METTL9: variants seen among roughly 807,000 people sequenced by gnomAD.
METTL9 encodes methyltransferase 9, His-X-His N1(pi)-histidine.
Under a neutral mutation model 36.0 loss-of-function variants are expected in METTL9, and 10 were observed. That is an observed-to-expected ratio of 0.28 (90% CI 0.17 to 0.47). The LOEUF is 0.47. Ranked by LOEUF, METTL9 falls within the 20% of genes least tolerant of loss-of-function variation. METTL9 has a pLI of 0.99. For synonymous variants in METTL9, 175 were observed against 149.7 expected (o/e 1.17, Z -1.23); for missense variants, 246 against 383.5 (o/e 0.64, Z 3.00).
chr16:21,655,052 G>T, intron 4 of METTL9, 175 bp from the exon 5 acceptor site: 1 of 623,290 alleles, frequency 1.6e-6, no homozygotes. Flanking sequence ...TTCTGAGTCT[G>T]TTCTTTATCT....
At chr16:21,643,254 A>C (rs2141612594) in intron 4 of METTL9, 2 of 821,068 alleles carry the variant, frequency 2.4e-6, no homozygotes, top group Admixed American at 2.0e-5. Flanking sequence ...CACCGGTCCC[A>C]AAAACTACCC....
At chr16:21,607,456 C>T (rs1965318355) in intron 1 of METTL9, among the ~76,000 whole-genome samples, 1 of 152,176 alleles carries the variant, frequency 6.6e-6, no homozygotes, top group Non-Finnish European at 1.5e-5. Flanking sequence ...AAACGCGTGG[C>T]AGCCACCTGA....
At chr16:21,600,436 C>T (rs184818975) in intron 1 of METTL9, among the ~76,000 whole-genome samples, 2 of 152,218 alleles carry the variant, frequency 1.3e-5, no homozygotes, top group Admixed American at 6.5e-5. Flanking sequence ...GGTGACATTT[C>T]TCCCTAAGCA....
At chr16:21,603,615 C>T (rs183386617) in intron 1 of METTL9, among the ~76,000 whole-genome samples, 1 of 152,076 alleles carries the variant, frequency 6.6e-6, no homozygotes, top group African/African-American at 2.4e-5. Flanking sequence ...TGCATTGCAC[C>T]TAGTGCTTAA....
At chr16:21,644,708 CCAGA>C (rs1262445350) in intron 4 of METTL9, among the ~76,000 whole-genome samples, 1 of 152,186 alleles carries the variant, frequency 6.6e-6, no homozygotes, top group Non-Finnish European at 1.5e-5. Context: ...ATAAACATTT[CCAGA>C]CAGTTTGTTC....
chr16:21,631,755 C>T (rs541171060), intron 4 of METTL9, among the ~76,000 whole-genome samples: 6 of 152,140 alleles, frequency 3.9e-5, no homozygotes, highest in Admixed American at 6.5e-5. Context: ...AGTGCTTTCG[C>T]GCTACGCCCT....
Position 21,599,646 on chromosome 16 carries a change from G to A in METTL9, c.-88G>A. On this transcript the variant is annotated 5_prime_UTR_variant, in exon 1 of 5. Transcript: ENST00000358154. This position sits in a 1 kb window ranked among gnomAD's most constrained non-coding sequence, Gnocchi z 4.4. Reference sequence around the variant, plus strand: ...GGCGGCCGCGATGGCTCGAGCTCGGGCGGTGGCGGCGGTGGCCGGAGGCGG... The same window carrying A: ...GGCGGCCGCGATGGCTCGAGCTCGGACGGTGGCGGCGGTGGCCGGAGGCGG... 1.5e-6 allele frequency: 2 copies of A among 1,344,686 alleles called. No individual in the cohort carries two copies. Among genetic ancestry groups the A allele is most frequent in the Non-Finnish European group, 1.9e-6 (2 of 1,057,428 alleles). 83.3% of individuals were successfully genotyped at this position (1,344,686 alleles called of 1,614,324 possible).
intron 1 of METTL9, among the ~76,000 whole-genome samples, chr16:21,609,942 C>T (rs1965387722): frequency 6.6e-6 from 1 of 152,052 alleles, no homozygotes; most frequent in Non-Finnish European, 1.5e-5. Context: ...CTGCCACCTG[C>T]ATATTTAGGG....
At chr16:21,647,317 G>T in intron 4 of METTL9, 1 of 1,614,148 alleles carries the variant, frequency 6.2e-7, no homozygotes, top group African/African-American at 1.3e-5. Context: ...TTTTGCACCC[G>T]TCCAAGCACA....
At chr16:21,638,930 T>A (rs1389018881) in intron 4 of METTL9, among the ~76,000 whole-genome samples, 1 of 152,208 alleles carries the variant, frequency 6.6e-6, no homozygotes, top group Admixed American at 6.5e-5. Flanking sequence ...TGACTGTACA[T>A]CCCAAACTAA....
At chr16:21,632,083 C>T (rs1965977444) in intron 4 of METTL9, among the ~76,000 whole-genome samples, 1 of 152,176 alleles carries the variant, frequency 6.6e-6, no homozygotes, top group Non-Finnish European at 1.5e-5. Flanking sequence ...CTCCCCTCTC[C>T]TTCCCCTTTT....
chr16:21,655,169 C>G (rs1966673895), intron 4 of METTL9, 58 bp from the exon 5 acceptor site: 1 of 1,508,022 alleles, frequency 6.6e-7, no homozygotes, highest in Non-Finnish European at 9.1e-7. Flanking sequence ...CTCCCTGCTT[C>G]CCTCTTTAAA....
At chr16:21,627,867 G>A (rs1319985317) in intron 4 of METTL9, among the ~76,000 whole-genome samples, 5 of 152,144 alleles carry the variant, frequency 3.3e-5, no homozygotes, top group South Asian at 4.1e-4. Flanking sequence ...GTGGGAGAAC[G>A]GCGTGAACCC....
intron 4 of METTL9, chr16:21,652,669 A>G: frequency 8.1e-7 from 1 of 1,241,004 alleles, no homozygotes; most frequent in South Asian, 1.3e-5. Flanking sequence ...TCAGAAGGGA[A>G]GAAGAGCTGA....
intron 4 of METTL9, among the ~76,000 whole-genome samples, chr16:21,634,601 C>T (rs529465896): frequency 3.5e-4 from 53 of 152,248 alleles, no homozygotes; most frequent in African/African-American, 1.3e-3. Context: ...TCCTTTTGGG[C>T]CTGTCCCTAT....
At chr16:21,636,731 T>C (rs1423107144) in intron 4 of METTL9, among the ~76,000 whole-genome samples, 1 of 152,174 alleles carries the variant, frequency 6.6e-6, no homozygotes, top group East Asian at 1.9e-4. Flanking sequence ...CGGGGGTTGT[T>C]AGCCCTTTCC....
At chr16:21,598,352 C>CAA (rs1161878357), upstream of METTL9, among the ~76,000 whole-genome samples, 20 of 59,116 alleles carry the variant, frequency 3.4e-4, no homozygotes, top group African/African-American at 4.3e-4. Context: ...CACTCCGTTT[C>CAA]AAAAAAAAAA....
chr16:21,641,511 C>A, intron 4 of METTL9: 1 of 1,481,598 alleles, frequency 6.7e-7, no homozygotes, highest in Non-Finnish European at 9.4e-7. Context: ...TTTTCAGTGA[C>A]TTCATTGAAA....
intron 1 of METTL9, among the ~76,000 whole-genome samples, chr16:21,603,031 TAGC>T (rs1488985151): frequency 6.6e-6 from 1 of 152,202 alleles, no homozygotes; most frequent in African/African-American, 2.4e-5. Flanking sequence ...CTGGCTACAA[TAGC>T]AGCATATTTG....
Sources: gnomAD v4.1 joint callset for allele counts (sites outside exome capture counted in the v4.1 genomes callset) on GRCh38, gnomAD v4.1.1 for gene constraint, Gnocchi (gnomAD v3.1) non-coding constraint, MANE v1.5 for transcripts, NCBI Gene and HGNC (gene_info 2026-07-23, HGNC 2026-07-21) for gene names.